The following ZP3 variants were observed in gnomAD, a reference collection of about 807,000 sequenced individuals.
The protein encoded by ZP3 is zona pellucida glycoprotein 3.
A neutral mutation model predicts 35.6 loss-of-function variants in ZP3; 21 were observed. The observed-to-expected ratio is 0.59, with a 90% CI of 0.42 to 0.85. ZP3 has a LOEUF of 0.85. ZP3 is among the 40% of genes least tolerant of loss of function. The pLI, the probability that ZP3 is intolerant of heterozygous loss-of-function variation, is 0.00. For synonymous variants in ZP3, 207 were observed against 214.5 expected, an observed-to-expected ratio of 0.96 and a Z score of 0.31; for missense variants, 437 against 536.5, an observed-to-expected ratio of 0.81 and a Z score of 1.83.
At chr7:76,416,381 A>G (rs1252134039) in intron 1 of ZP3, among the ~76,000 whole-genome samples, 1 of 152,146 alleles carries the variant, frequency 6.6e-6, no homozygotes, top group Non-Finnish European at 1.5e-5. Flanking sequence ...GTGAGCCATG[A>G]TTGCCCCACT....
chr7:76,409,734 A>C (rs1269801629), intron 1 of ZP3: 1 of 152,588 alleles, frequency 6.6e-6, no homozygotes, highest in Non-Finnish European at 1.5e-5. Context: ...TGGTTGGGGG[A>C]GGCATGGACT....
At chr7:76,430,109 C>CT (rs1805783836) in intron 2 of ZP3, among the ~76,000 whole-genome samples, 1 of 152,076 alleles carries the variant, frequency 6.6e-6, no homozygotes, top group Admixed American at 6.6e-5. Flanking sequence ...ACTTGGGAGG[C>CT]TGAGGCAGGA....
intron 5 of ZP3, among the ~76,000 whole-genome samples, chr7:76,435,692 T>C: frequency 6.6e-6 from 1 of 152,116 alleles, no homozygotes; most frequent in Non-Finnish European, 1.5e-5. Flanking sequence ...TAAAACTCCA[T>C]GAACTTCAGT....
intron 1 of ZP3, among the ~76,000 whole-genome samples, chr7:76,414,701 T>G: frequency 2.2e-5 from 1 of 45,080 alleles, no homozygotes; most frequent in South Asian, 9.5e-4. Context: ...TCCTCCTTTT[T>G]TTTTTTTTTT....
intron 1 of ZP3, among the ~76,000 whole-genome samples, chr7:76,405,323 T>TC (rs1804978103): frequency 6.9e-4 from 20 of 29,166 alleles, no homozygotes; most frequent in African/African-American, 1.2e-3. Flanking sequence ...ATATGTATTT[T>TC]TTTCTTTCTT....
chr7:76,398,709 T>C (rs778460695), intron 1 of ZP3: 18 of 1,612,422 alleles, frequency 1.1e-5, no homozygotes, highest in African/African-American at 1.1e-4. Flanking sequence ...GCCCACATTA[T>C]GCTTACGTAC....
intron 5 of ZP3, among the ~76,000 whole-genome samples, chr7:76,436,704 G>C (rs1283786340): frequency 6.6e-6 from 1 of 152,270 alleles, no homozygotes; most frequent in Non-Finnish European, 1.5e-5. Flanking sequence ...TTTGGGAAAA[G>C]AGTCCTGGCC....
At chr7:76,441,809 G>C in intron 7 of ZP3, 33 bp from the exon 8 acceptor site, 1 of 1,613,924 alleles carries the variant, frequency 6.2e-7, no homozygotes, top group Non-Finnish European at 8.5e-7. Flanking sequence ...TAGGGACTAA[G>C]ATAACCCTTG....
intron 2 of ZP3, 113 bp downstream of exon 2, chr7:76,429,746 C>T: frequency 1.1e-6 from 1 of 888,526 alleles, no homozygotes; most frequent in Non-Finnish European, 1.8e-6. Context: ...GAACTACCTA[C>T]CGAAGCATTT....
upstream of ZP3, among the ~76,000 whole-genome samples, chr7:76,421,093 G>A (rs1025225680): frequency 9.2e-5 from 14 of 151,948 alleles, no homozygotes; most frequent in Admixed American, 1.3e-4. Flanking sequence ...GTGCCACCAC[G>A]TCAGCTAATT....
At chr7:76,437,376 A>C (rs1376005861) in intron 5 of ZP3, among the ~76,000 whole-genome samples, 3 of 151,422 alleles carry the variant, frequency 2.0e-5, no homozygotes, top group Non-Finnish European at 2.9e-5. Flanking sequence ...GGGTTTCACT[A>C]TGTTGGTCAG....
At chr7:76,426,701 T>G (rs930962916) in intron 1 of ZP3, among the ~76,000 whole-genome samples, 1 of 152,052 alleles carries the variant, frequency 6.6e-6, no homozygotes, top group Non-Finnish European at 1.5e-5. Context: ...TAAGTGGTAT[T>G]TTTTTGTTGT....
intron 1 of ZP3, among the ~76,000 whole-genome samples, chr7:76,415,049 G>T (rs1485952762): frequency 4.0e-5 from 6 of 150,938 alleles, no homozygotes; most frequent in African/African-American, 1.5e-4. Flanking sequence ...CATTTAGTAA[G>T]CACATTTTAC....
At chr7:76,433,066 A>C in intron 3 of ZP3, 36 bp downstream of exon 3, 1 of 1,523,350 alleles carries the variant, frequency 6.6e-7, no homozygotes, top group Non-Finnish European at 8.9e-7. Flanking sequence ...ATCTGTGGAA[A>C]GACCTGGGCC....
rs1467481857 is a variant in ZP3, at chr7:76,432,933, C to A, written c.438C>A (p.Gly146=). 1 of 1,613,732 alleles carries A rather than the reference C, an allele frequency of 6.2e-7. No homozygotes were observed. Among genetic ancestry groups the A allele is most frequent in the African/African-American group, 1.3e-5 (1 of 74,930 alleles). The change falls in exon 3 of 8, where the codon GGC becomes GGA. Residue 146 remains glycine (G), a synonymous_variant. Transcript: ENST00000394857. ...IPIECRYPRQ[G]NVSSQAILPT... ...GCTGCTGTTCTTCTCTCAGGCAGGG[C>A]AATGTGAGCAGCCAGGCCATCCTGC...
At chr7:76,400,283 C>A in intron 1 of ZP3, 2 of 1,463,616 alleles carry the variant, frequency 1.4e-6, no homozygotes, top group South Asian at 1.5e-5. Flanking sequence ...GGGCTCCACT[C>A]ACCATCACAC....
At chr7:76,437,376 A>G (rs1376005861) in intron 5 of ZP3, among the ~76,000 whole-genome samples, 11 of 151,418 alleles carry the variant, frequency 7.3e-5, no homozygotes, top group Non-Finnish European at 1.3e-4. Flanking sequence ...GGGTTTCACT[A>G]TGTTGGTCAG....
chr7:76,437,170 A>ATT (rs1806041478), intron 5 of ZP3, among the ~76,000 whole-genome samples: 2 of 96,262 alleles, frequency 2.1e-5, no homozygotes, highest in Admixed American at 1.2e-4. Flanking sequence ...GACCCTGTGT[A>ATT]CTTTTTTTTT....
intron 1 of ZP3, among the ~76,000 whole-genome samples, chr7:76,410,351 GTTCTT>G: frequency 8.3e-6 from 1 of 121,100 alleles, no homozygotes; most frequent in African/African-American, 3.5e-5. Context: ...TTCTTGTGTA[GTTCTT>G]TTTTTTTTTT....
Sources: allele counts gnomAD v4.1 joint callset (sites outside exome capture counted in the v4.1 genomes callset), GRCh38; gene constraint gnomAD v4.1.1; transcripts MANE v1.5; gene names NCBI Gene and HGNC (gene_info 2026-07-23, HGNC 2026-07-21).